The following IMMP2L variants were observed in gnomAD, a reference collection of about 807,000 sequenced individuals.
IMMP2L encodes inner mitochondrial membrane peptidase subunit 2, also known as mitochondrial inner membrane protease subunit 2.
A neutral mutation model predicts 19.3 loss-of-function variants in IMMP2L; 18 were observed. The observed-to-expected ratio is 0.93, with a 90% CI of 0.64 to 1.38. The LOEUF is 1.38. Ranked by LOEUF, IMMP2L falls within the 40% of genes most tolerant of loss-of-function variation. IMMP2L has a pLI of 0.00. For synonymous variants in IMMP2L, 76 were observed against 73.0 expected (o/e 1.04, Z -0.21); for missense variants, 233 against 218.2 (o/e 1.07, Z -0.43).
intron 5 of IMMP2L, among the ~76,000 whole-genome samples, chr7:110,714,420 G>A (rs567106857): frequency 1.3e-5 from 2 of 152,200 alleles, no homozygotes; most frequent in South Asian, 4.2e-4. Flanking sequence ...TTTTCATTGG[G>A]TCTTTACCAG....
At chr7:111,394,661 C>G (rs1269473723) in intron 3 of IMMP2L, among the ~76,000 whole-genome samples, 1 of 152,048 alleles carries the variant, frequency 6.6e-6, no homozygotes, top group East Asian at 1.9e-4. Flanking sequence ...TAATAAAGTT[C>G]TTTCATCTCA....
intron 3 of IMMP2L, among the ~76,000 whole-genome samples, chr7:111,188,034 T>C (rs1480110939): frequency 2.0e-5 from 3 of 151,892 alleles, no homozygotes. Context: ...AGGAGAAGCT[T>C]TAGTAGGAAG....
intron 5 of IMMP2L, among the ~76,000 whole-genome samples, chr7:110,869,379 G>A (rs967346116): frequency 3.3e-5 from 5 of 152,080 alleles, no homozygotes; most frequent in African/African-American, 9.7e-5. Context: ...AAACGAGAAC[G>A]TCTAATCTTT....
At chr7:110,952,939 A>G (rs991950131) in intron 4 of IMMP2L, among the ~76,000 whole-genome samples, 1 of 152,104 alleles carries the variant, frequency 6.6e-6, no homozygotes, top group Admixed American at 6.6e-5. Flanking sequence ...CCAATAATAT[A>G]GTCATGATAT....
At chr7:111,223,019 T>C (rs1402156416) in intron 3 of IMMP2L, among the ~76,000 whole-genome samples, 2 of 151,906 alleles carry the variant, frequency 1.3e-5, no homozygotes, top group Non-Finnish European at 2.9e-5. Flanking sequence ...TATATAAATA[T>C]GAATGATCTC....
At chr7:111,313,849 C>A (rs987018044) in intron 3 of IMMP2L, among the ~76,000 whole-genome samples, 5 of 152,098 alleles carry the variant, frequency 3.3e-5, no homozygotes, top group African/African-American at 1.2e-4. Flanking sequence ...CTGCAATCCC[C>A]AGCACTGGAG....
At chr7:111,504,712 G>C (rs1844688771) in intron 2 of IMMP2L, among the ~76,000 whole-genome samples, 1 of 152,176 alleles carries the variant, frequency 6.6e-6, no homozygotes, top group Admixed American at 6.5e-5. Flanking sequence ...ACAAAAACAA[G>C]CAATGGGGAA....
chr7:111,431,383 A>C (rs932997641), intron 3 of IMMP2L, among the ~76,000 whole-genome samples: 1 of 151,854 alleles, frequency 6.6e-6, no homozygotes, highest in Non-Finnish European at 1.5e-5. Context: ...GCTTGGTCTC[A>C]GTTTTCTCAT....
chr7:110,974,963 C>T (rs1173602256), intron 3 of IMMP2L, among the ~76,000 whole-genome samples: 1 of 152,016 alleles, frequency 6.6e-6, no homozygotes, highest in Non-Finnish European at 1.5e-5. Flanking sequence ...TAATTCCAGT[C>T]TTTAAAAATA....
intron 3 of IMMP2L, among the ~76,000 whole-genome samples, chr7:111,160,173 C>A (rs1805096274): frequency 6.6e-6 from 1 of 151,856 alleles, no homozygotes; most frequent in Admixed American, 6.6e-5. Flanking sequence ...CAAAAAAATG[C>A]AATAGCAAAA....
At chr7:111,214,097 A>G (rs1011371586) in intron 3 of IMMP2L, among the ~76,000 whole-genome samples, 6 of 152,090 alleles carry the variant, frequency 3.9e-5, no homozygotes, top group Non-Finnish European at 7.4e-5. Flanking sequence ...CTTGAAAAAA[A>G]TTATAAAACT....
intron 4 of IMMP2L, chr7:110,962,734 G>GA (rs1819094042): frequency 9.6e-7 from 1 of 1,037,828 alleles, no homozygotes; most frequent in South Asian, 4.6e-5. Flanking sequence ...TCATTTCAGT[G>GA]AGATTAGTTA....
intron 3 of IMMP2L, among the ~76,000 whole-genome samples, chr7:111,410,913 C>T (rs1047347982): frequency 1.3e-5 from 2 of 151,114 alleles, no homozygotes; most frequent in Non-Finnish European, 1.5e-5. Context: ...CAACAACAAT[C>T]TAACATTTTT....
At position 110,669,247 on chromosome 7, in the gene IMMP2L, G is replaced by A. The variant is rs865996965; in HGVS notation, c.409-5526C>T. Among the ~76,000 whole-genome samples the A allele has an allele frequency of 2.6e-5, 4 of 152,092 alleles. No homozygotes were observed. In the East Asian group the frequency reaches 5.8e-4, roughly 22 times the overall value. ...AAAAAGTTGCAGTTCGTTGCAGTTC[G>A]AGTCCAAAGGCAGACTGCTGGTGAA... On this transcript the variant is annotated intron_variant, in intron 5 of 5. Coordinates refer to ENST00000405709, the MANE Select transcript of IMMP2L (RefSeq NM_032549.4).
intron 3 of IMMP2L, among the ~76,000 whole-genome samples, chr7:111,348,200 A>G (rs543976462): frequency 1.3e-5 from 2 of 151,488 alleles, no homozygotes; most frequent in Non-Finnish European, 2.9e-5. Context: ...TGATGAGTTG[A>G]TGGGTGCAGC....
intron 3 of IMMP2L, among the ~76,000 whole-genome samples, chr7:111,188,811 A>C (rs1377432321): frequency 1.3e-5 from 2 of 152,166 alleles, no homozygotes; most frequent in Non-Finnish European, 2.9e-5. Context: ...AAGTAGTGTC[A>C]TTACTCATAT....
At chr7:111,185,964 C>T (rs761985264) in intron 3 of IMMP2L, among the ~76,000 whole-genome samples, 39 of 152,118 alleles carry the variant, frequency 2.6e-4, no homozygotes, top group Non-Finnish European at 5.3e-4. Context: ...CAACACTACA[C>T]TACTTTGAAA....
At chr7:110,698,592 A>G (rs1350224729) in intron 5 of IMMP2L, among the ~76,000 whole-genome samples, 1 of 152,172 alleles carries the variant, frequency 6.6e-6, no homozygotes, top group Non-Finnish European at 1.5e-5. Flanking sequence ...GCAGCCATAG[A>G]AACTGACATA....
At chr7:111,234,427 G>C (rs1814059613) in intron 3 of IMMP2L, among the ~76,000 whole-genome samples, 1 of 152,040 alleles carries the variant, frequency 6.6e-6, no homozygotes, top group Non-Finnish European at 1.5e-5. Context: ...TTTGTGTCTT[G>C]CTCCTTGAAG....
Sources: gnomAD v4.1 joint callset for allele counts (sites outside exome capture counted in the v4.1 genomes callset) on GRCh38, gnomAD v4.1.1 for gene constraint, MANE v1.5 for transcripts, NCBI Gene and HGNC (gene_info 2026-07-23, HGNC 2026-07-21) for gene names.